Variants in CPA6 observed in about 807,000 individuals in gnomAD.
CPA6 encodes the protein carboxypeptidase B.
CPA6 carries 58 observed loss-of-function variants against 63.3 expected under a neutral mutation model. That is an observed-to-expected ratio of 0.92 (90% CI 0.74 to 1.14). CPA6 has a LOEUF of 1.14. Among genes scored for constraint, CPA6 ranks in the 50% most tolerant of loss-of-function variants. The probability of loss-of-function intolerance (pLI) is 0.00; values close to 1 mark genes in which losing one functional copy is unlikely to be tolerated. For missense variants in CPA6, 565 were observed against 526.6 expected (o/e 1.07, Z -0.71); for synonymous variants, 185 against 179.0 (o/e 1.03, Z -0.27).
chr8:67,429,670 C>G (rs913670302), intron 9 of CPA6: 1 of 152,156 alleles, frequency 6.6e-6, no homozygotes, highest in Non-Finnish European at 1.5e-5. Flanking sequence ...GGAGATTGTT[C>G]TAAGATTTTA....
At chr8:67,461,762 C>T (rs965325755) in intron 8 of CPA6, among the ~76,000 whole-genome samples, 5 of 151,928 alleles carry the variant, frequency 3.3e-5, no homozygotes, top group Admixed American at 3.3e-4. Flanking sequence ...CTAGTAGGGG[C>T]GGCCGGGCAG....
intron 7 of CPA6, 64 bp from the exon 8 acceptor site, chr8:67,483,922 A>C: frequency 7.8e-7 from 1 of 1,274,388 alleles, no homozygotes; most frequent in Non-Finnish European, 1.1e-6. Context: ...CATGCATTTT[A>C]ATAGCTCAAT....
intron 1 of CPA6, among the ~76,000 whole-genome samples, chr8:67,679,455 G>A (rs550626864): frequency 6.6e-6 from 1 of 152,134 alleles, no homozygotes; most frequent in Non-Finnish European, 1.5e-5. Context: ...GCCTCTGAAA[G>A]TCTTTTTATT....
chr8:67,711,184 A>G (rs1420923285), intron 1 of CPA6, among the ~76,000 whole-genome samples: 1 of 152,220 alleles, frequency 6.6e-6, no homozygotes. Flanking sequence ...AGTTAAGCAC[A>G]AGGTTCTCGA....
At chr8:67,684,635 T>C (rs1196438291) in intron 1 of CPA6, among the ~76,000 whole-genome samples, 5 of 152,308 alleles carry the variant, frequency 3.3e-5, no homozygotes, top group Non-Finnish European at 5.9e-5. Context: ...CAGGCCCCGA[T>C]GAGCTTTAAC....
chr8:67,653,331 G>A (rs1236198066), intron 1 of CPA6, among the ~76,000 whole-genome samples: 1 of 152,144 alleles, frequency 6.6e-6, no homozygotes, highest in South Asian at 2.1e-4. Context: ...ATTACCTTGG[G>A]CAGTATGGCC....
chr8:67,702,761 C>T (rs138335442), intron 1 of CPA6, among the ~76,000 whole-genome samples: 17 of 152,254 alleles, frequency 1.1e-4, no homozygotes, highest in Middle Eastern at 3.4e-3. Flanking sequence ...GCTAGCAGGC[C>T]ACTGTGCATG....
intron 1 of CPA6, among the ~76,000 whole-genome samples, chr8:67,679,003 G>A (rs1244890125): frequency 5.3e-5 from 8 of 152,170 alleles, no homozygotes; most frequent in Non-Finnish European, 1.0e-4. Flanking sequence ...TTCCGACAGA[G>A]GTAAAATTAA....
At chr8:67,431,347 T>G (rs1810023712) in intron 9 of CPA6, among the ~76,000 whole-genome samples, 1 of 152,074 alleles carries the variant, frequency 6.6e-6, no homozygotes, top group African/African-American at 2.4e-5. Context: ...TTCAAGTGAT[T>G]CTCCTGCCTC....
chr8:67,475,914 CTTT>C (rs1811217896), intron 8 of CPA6, among the ~76,000 whole-genome samples: 2 of 92,314 alleles, frequency 2.2e-5, no homozygotes, highest in Non-Finnish European at 4.2e-5. Context: ...TTCTTTCTTT[CTTT>C]CTTTCTTTCT....
intron 2 of CPA6, among the ~76,000 whole-genome samples, chr8:67,572,862 G>A (rs560646623): frequency 1.3e-5 from 2 of 152,140 alleles, no homozygotes; most frequent in African/African-American, 4.8e-5. Flanking sequence ...TATCTTTGAC[G>A]AATATAGACG....
chr8:67,526,159 G>A (rs1812359250), intron 2 of CPA6, among the ~76,000 whole-genome samples: 1 of 152,220 alleles, frequency 6.6e-6, no homozygotes, highest in South Asian at 2.1e-4. Flanking sequence ...TAGGACATTT[G>A]TGGAGGGTTT....
intron 9 of CPA6, among the ~76,000 whole-genome samples, chr8:67,428,901 A>G (rs938492386): frequency 6.6e-6 from 1 of 152,234 alleles, no homozygotes; most frequent in Non-Finnish European, 1.5e-5. Context: ...TGCTTGATCA[A>G]TATTTCTTAC....
intron 8 of CPA6, among the ~76,000 whole-genome samples, chr8:67,444,190 G>C (rs1483857876): frequency 6.6e-6 from 1 of 151,728 alleles, no homozygotes; most frequent in African/African-American, 2.4e-5. Context: ...GGGTTTCACC[G>C]TGTTAGCCAG....
At chr8:67,608,131 A>G (rs1444119250) in intron 2 of CPA6, among the ~76,000 whole-genome samples, 1 of 152,220 alleles carries the variant, frequency 6.6e-6, no homozygotes, top group Non-Finnish European at 1.5e-5. Flanking sequence ...AAAAGCCCAC[A>G]TCACTTTTGT....
At chr8:67,571,834 A>G (rs1053344983) in intron 2 of CPA6, among the ~76,000 whole-genome samples, 3 of 152,174 alleles carry the variant, frequency 2.0e-5, no homozygotes, top group Admixed American at 6.5e-5. Context: ...GTAAAGAGTA[A>G]AGATCAGGAC....
chr8:67,465,172 T>C (rs188056888), intron 8 of CPA6, among the ~76,000 whole-genome samples: 21 of 152,354 alleles, frequency 1.4e-4, no homozygotes, highest in East Asian at 5.8e-4. Flanking sequence ...GTTTGTGTCA[T>C]GTAAGATTTC....
At chr8:67,428,628 C>T (rs1029708735) in intron 9 of CPA6, among the ~76,000 whole-genome samples, 2 of 152,150 alleles carry the variant, frequency 1.3e-5, no homozygotes, top group Non-Finnish European at 2.9e-5. Context: ...GGACTACAAG[C>T]GCGTGCCACC....
intron 8 of CPA6, among the ~76,000 whole-genome samples, chr8:67,443,207 C>G (rs531888714): frequency 6.6e-6 from 1 of 152,046 alleles, no homozygotes; most frequent in South Asian, 2.1e-4. Flanking sequence ...AGATTAGGTG[C>G]GCACCACCAT....
Sources: gnomAD v4.1 joint callset for allele counts (sites outside exome capture counted in the v4.1 genomes callset) on GRCh38, gnomAD v4.1.1 for gene constraint, MANE v1.5 for transcripts, NCBI Gene and HGNC (gene_info 2026-07-23, HGNC 2026-07-21) for gene names.